The following ASH1L variants were observed in gnomAD, a reference collection of about 807,000 sequenced individuals.
The protein encoded by ASH1L is histone-lysine N-methyltransferase ASH1L.
A neutral mutation model predicts 269.0 loss-of-function variants in ASH1L; 23 were observed. That is an observed-to-expected ratio of 0.09 (90% CI 0.06 to 0.12). ASH1L has a LOEUF of 0.12. Among genes scored for constraint, ASH1L ranks in the 10% least tolerant of loss-of-function variants. The pLI is 1.00. For missense variants in ASH1L, 2,912 were observed against 3,567.8 expected, an observed-to-expected ratio of 0.82 and a Z score of 4.68; for synonymous variants, 1,187 against 1,253.5, an observed-to-expected ratio of 0.95 and a Z score of 1.12.
Position 155,337,551 on chromosome 1 carries a change from C to T in ASH1L, c.*109G>A, listed in dbSNP as rs1652414974. On this transcript the variant is annotated 3_prime_UTR_variant, in exon 28 of 28. Transcript: ENST00000392403. ...TAATGTCAACAACATGGCCCCATTC[C>T]CCTTGCCCAGATGGACCCTTCCCAC... 1.2e-6 allele frequency: 1 copy of T among 861,928 alleles called. No individual in the cohort carries two copies. The highest frequency in any genetic ancestry group is 1.9e-5 in the Admixed American group (1 of 52,944). 53.4% of individuals were successfully genotyped at this position (861,928 alleles called of 1,614,324 possible). A position where few individuals can be genotyped will look rare whatever the true frequency, so the allele number is the denominator to read the frequency against.
intron 2 of ASH1L, among the ~76,000 whole-genome samples, chr1:155,485,681 T>C (rs147548978): frequency 5.4e-4 from 82 of 152,308 alleles, no homozygotes; most frequent in African/African-American, 1.7e-3. Flanking sequence ...ACTTTTAAGA[T>C]AGAATTAAAA....
At chr1:155,398,500 T>C (rs903599240) in intron 6 of ASH1L, among the ~76,000 whole-genome samples, 21 of 152,156 alleles carry the variant, frequency 1.4e-4, no homozygotes, top group Non-Finnish European at 2.5e-4. Flanking sequence ...AAAAATACGG[T>C]TGTAAAAGAT....
Position 155,562,733 on chromosome 1 carries a change from C to T in ASH1L, c.-680G>A, listed in dbSNP as rs967501029. On this transcript the variant is annotated 5_prime_UTR_variant, in exon 1 of 28. Transcript: ENST00000392403. The stretch of plus-strand genomic sequence containing the variant: ...CCCCCTCGTCCAGTCCCTCACTACC[C>T]CTCAGGCCCTGTCAAGCCGGCGCCG... 4.5e-6 allele frequency: 6 copies of T among 1,339,108 alleles called. No homozygotes were observed. The highest frequency in any genetic ancestry group is 1.2e-5 in the South Asian group (1 of 80,054). The allele number at this position is 1,339,108 out of a possible 1,614,324, so 83.0% of individuals were successfully genotyped here.
chr1:155,533,326 C>T (rs1230465601), intron 1 of ASH1L, among the ~76,000 whole-genome samples: 3 of 151,922 alleles, frequency 2.0e-5, no homozygotes, highest in Non-Finnish European at 4.4e-5. Flanking sequence ...TTATTATTCC[C>T]TTTTTAGACA....
At chr1:155,535,842 T>G (rs1238614525) in intron 1 of ASH1L, among the ~76,000 whole-genome samples, 1 of 151,584 alleles carries the variant, frequency 6.6e-6, no homozygotes, top group African/African-American at 2.4e-5. Flanking sequence ...CTAATAAAAA[T>G]ACAAAATTAG....
chr1:155,437,784 C>A (rs1039317829), intron 5 of ASH1L, among the ~76,000 whole-genome samples: 1 of 152,134 alleles, frequency 6.6e-6, no homozygotes. Context: ...AATACATAAT[C>A]TTTCTGGGCC....
intron 25 of ASH1L, among the ~76,000 whole-genome samples, chr1:155,340,882 G>C (rs544767762): frequency 2.7e-5 from 4 of 150,902 alleles, no homozygotes; most frequent in Admixed American, 2.6e-4. Context: ...TGATCCTCCT[G>C]TCTCAGCCTC....
At chr1:155,530,877 A>G (rs1229104885) in intron 1 of ASH1L, among the ~76,000 whole-genome samples, 10 of 152,062 alleles carry the variant, frequency 6.6e-5, no homozygotes, top group Admixed American at 6.5e-4. Flanking sequence ...ACAGCACTGT[A>G]CTCTAGCCCG....
At chr1:155,437,350 TTTGTC>T (rs1267471356) in intron 5 of ASH1L, among the ~76,000 whole-genome samples, 1 of 152,110 alleles carries the variant, frequency 6.6e-6, no homozygotes, top group Non-Finnish European at 1.5e-5. Flanking sequence ...TGAAAATATG[TTTGTC>T]ACTAATCATT....
chr1:155,350,963 C>T (rs983627782), intron 17 of ASH1L, among the ~76,000 whole-genome samples: 3 of 148,000 alleles, frequency 2.0e-5, no homozygotes, highest in Admixed American at 6.8e-5. Flanking sequence ...AAAGACCGGG[C>T]GCGATGGCAC....
At chr1:155,464,899 C>T (rs1379092253) in intron 3 of ASH1L, among the ~76,000 whole-genome samples, 1 of 151,742 alleles carries the variant, frequency 6.6e-6, no homozygotes, top group Non-Finnish European at 1.5e-5. Context: ...TACAAACTGT[C>T]AAAGTTGAAA....
In ASH1L at chr1:155,378,553, A is replaced by G. The variant is rs113409070; in HGVS notation, c.6178-5T>C. The G allele has an allele frequency of 6.2e-7, 1 of 1,605,664 alleles. No individual in the cohort carries two copies. Among genetic ancestry groups the G allele is most frequent in the Non-Finnish European group, 8.5e-7 (1 of 1,175,904 alleles). Reference sequence around the variant, plus strand: ...GACATCTGGCTTTTTGTATAGCTAGAAGAAAAGAAGAAAAATCTTGATATA... The same window carrying G: ...GACATCTGGCTTTTTGTATAGCTAGGAGAAAAGAAGAAAAATCTTGATATA... On this transcript the variant is annotated splice_polypyrimidine_tract_variant and splice_region_variant and intron_variant, in intron 8 of 27. Coordinates refer to ENST00000392403, the MANE Select transcript of ASH1L (RefSeq NM_018489.3).
chr1:155,554,248 C>A (rs950760448), intron 1 of ASH1L, among the ~76,000 whole-genome samples: 20 of 151,550 alleles, frequency 1.3e-4, no homozygotes, highest in Admixed American at 2.6e-4. Context: ...CCACACTTGG[C>A]GAATTTTTTT....
Position 155,446,348 on chromosome 1 carries a change from G to C in ASH1L, c.5087-7280C>G, listed in dbSNP as rs145331499. 5.3e-3 allele frequency among the ~76,000 whole-genome samples: 784 copies of C among 148,024 alleles called. 7 individuals are homozygous for C. Among genetic ancestry groups the C allele is most frequent in the Non-Finnish European group, 8.0e-3 (538 of 67,322 alleles). Reference sequence around the variant, plus strand: ...CAAGGTCTTGCTCTCATCCAAGCTGGAGTGCAGTGGCATGATCTTGGTTCA... The same window carrying C: ...CAAGGTCTTGCTCTCATCCAAGCTGCAGTGCAGTGGCATGATCTTGGTTCA... On this transcript the variant is annotated intron_variant, in intron 4 of 27. Coordinates refer to ENST00000392403, the MANE Select transcript of ASH1L (RefSeq NM_018489.3).
At chr1:155,458,952 C>CTTTTT (rs368224681) in intron 4 of ASH1L, among the ~76,000 whole-genome samples, 1 of 134,546 alleles carries the variant, frequency 7.4e-6, no homozygotes, top group African/African-American at 2.7e-5. Context: ...CATCCTCTCT[C>CTTTTT]TTTTTTTTTT....
chr1:155,515,614 G>A (rs531982334), intron 2 of ASH1L, among the ~76,000 whole-genome samples: 1 of 152,080 alleles, frequency 6.6e-6, no homozygotes, highest in South Asian at 2.1e-4. Flanking sequence ...AATCACCTGA[G>A]GTCAGGAATT....
intron 2 of ASH1L, among the ~76,000 whole-genome samples, chr1:155,497,832 T>C (rs1667256087): frequency 6.6e-6 from 1 of 151,804 alleles, no homozygotes; most frequent in Non-Finnish European, 1.5e-5. Flanking sequence ...TCACTGCAAG[T>C]TCCGCCTCCC....
chr1:155,374,603 C>T (rs1317805959), intron 10 of ASH1L, among the ~76,000 whole-genome samples: 1 of 152,302 alleles, frequency 6.6e-6, no homozygotes, highest in African/African-American at 2.4e-5. Flanking sequence ...TTCTTTGGTA[C>T]ATGAATATTA....
At chr1:155,490,968 C>CAAAAAAAAAAAAAAAAAAAAAAAAAA (rs767615285) in intron 2 of ASH1L, among the ~76,000 whole-genome samples, 1 of 61,380 alleles carries the variant, frequency 1.6e-5, no homozygotes. Context: ...ACCCTGATTC[C>CAAAAAAAAAAAAAAAAAAAAAAAAAA]AAAAAAAAAA....
Sources: gnomAD v4.1 joint callset for allele counts (sites outside exome capture counted in the v4.1 genomes callset) on GRCh38, gnomAD v4.1.1 for gene constraint, MANE v1.5 for transcripts, NCBI Gene and HGNC (gene_info 2026-07-23, HGNC 2026-07-21) for gene names.